Variants in NPAS3 observed in about 807,000 individuals in gnomAD.
NPAS3 encodes the protein neuronal PAS domain-containing protein 3.
A neutral mutation model predicts 73.1 loss-of-function variants in NPAS3; 14 were observed. The ratio of observed to expected loss-of-function variants is 0.19; its 90% confidence interval spans 0.13 to 0.30. The LOEUF (loss-of-function observed/expected upper bound fraction) is 0.30. Ranked by LOEUF, NPAS3 falls within the 10% of genes least tolerant of loss-of-function variation. The probability of loss-of-function intolerance (pLI) is 1.00; values close to 1 mark genes in which losing one functional copy is unlikely to be tolerated. For synonymous variants in NPAS3, 620 were observed against 541.5 expected (o/e 1.14, Z -2.01); for missense variants, 1,096 against 1,250.0 (o/e 0.88, Z 1.86).
intron 7 of NPAS3, among the ~76,000 whole-genome samples, chr14:33,761,787 G>A (rs1362366473): frequency 1.3e-5 from 2 of 152,124 alleles, no homozygotes; most frequent in Non-Finnish European, 2.9e-5. Flanking sequence ...AGAATTGAGT[G>A]TCTTGCACAG....
chr14:33,166,627 T>C (rs572186506), intron 2 of NPAS3, among the ~76,000 whole-genome samples: 44 of 152,204 alleles, frequency 2.9e-4, no homozygotes, highest in African/African-American at 1.0e-3. Context: ...TCTGAAAGAG[T>C]AAAGAAATTT....
At chr14:33,587,037 G>A (rs546224341) in intron 5 of NPAS3, among the ~76,000 whole-genome samples, 2 of 152,118 alleles carry the variant, frequency 1.3e-5, no homozygotes, top group African/African-American at 4.8e-5. Flanking sequence ...GCCTGGTCCT[G>A]TTCTCTCCTA....
At chr14:33,195,068 C>T (rs2046302947) in intron 2 of NPAS3, among the ~76,000 whole-genome samples, 1 of 151,708 alleles carries the variant, frequency 6.6e-6, no homozygotes, top group Admixed American at 6.6e-5. Flanking sequence ...TTGGATTTAG[C>T]TTGATGTCAC....
chr14:33,595,393 C>T (rs1266287318), intron 5 of NPAS3, among the ~76,000 whole-genome samples: 49 of 152,074 alleles, frequency 3.2e-4, no homozygotes. Context: ...CTGCCTTATC[C>T]ATTAATAAAC....
At chr14:33,130,261 A>C (rs896560229) in intron 2 of NPAS3, among the ~76,000 whole-genome samples, 1 of 152,152 alleles carries the variant, frequency 6.6e-6, no homozygotes, top group Non-Finnish European at 1.5e-5. Flanking sequence ...CTCCTTAAAA[A>C]TAAGTTACTC....
At chr14:33,691,486 G>T (rs562171996) in intron 6 of NPAS3, among the ~76,000 whole-genome samples, 1 of 152,206 alleles carries the variant, frequency 6.6e-6, no homozygotes, top group African/African-American at 2.4e-5. Context: ...ATCTGTCAAC[G>T]AATCTGGCTG....
chr14:33,744,425 C>T (rs759537405), intron 7 of NPAS3, among the ~76,000 whole-genome samples: 4 of 152,128 alleles, frequency 2.6e-5, no homozygotes, highest in Non-Finnish European at 4.4e-5. Flanking sequence ...TGATTTGTGG[C>T]ACCCCAAAAC....
intron 7 of NPAS3, among the ~76,000 whole-genome samples, chr14:33,751,118 G>A (rs2061951001): frequency 6.6e-6 from 1 of 152,184 alleles, no homozygotes; most frequent in Non-Finnish European, 1.5e-5. Context: ...CGTTCATGTG[G>A]TGTAATGCTA....
chr14:33,612,721 A>G (rs1377710170), intron 5 of NPAS3: 13 of 345,022 alleles, frequency 3.8e-5, no homozygotes, highest in Non-Finnish European at 6.9e-5. Context: ...GTTAGAACAT[A>G]TATCTCCTAA....
chr14:33,463,749 A>G (rs2050379655), intron 4 of NPAS3, among the ~76,000 whole-genome samples: 1 of 152,216 alleles, frequency 6.6e-6, no homozygotes, highest in South Asian at 2.1e-4. Context: ...AATCCACCAA[A>G]TTAAGACATC....
intron 1 of NPAS3, among the ~76,000 whole-genome samples, chr14:32,952,513 A>G (rs1368604790): frequency 2.0e-5 from 3 of 152,008 alleles, no homozygotes. Context: ...CTTGTCTCCC[A>G]TACCACGCAT....
intron 2 of NPAS3, among the ~76,000 whole-genome samples, chr14:33,095,746 G>C (rs913647830): frequency 6.9e-6 from 1 of 144,444 alleles, no homozygotes; most frequent in Non-Finnish European, 1.5e-5. Context: ...TGGACTCACT[G>C]CAAGCTCCGC....
In NPAS3 at chr14:33,015,681, G is replaced by C. The variant is rs8018869; in HGVS notation, c.51-40224G>C. On this transcript the variant is annotated intron_variant, in intron 1 of 11. Coordinates refer to ENST00000356141, the Ensembl canonical transcript of NPAS3. Reference sequence around the variant, plus strand: ...GTACTCACACATATATACACACACAGAATATATATGCATACACAGGCAAGT... The same window carrying C: ...GTACTCACACATATATACACACACACAATATATATGCATACACAGGCAAGT... Among the ~76,000 whole-genome samples the C allele has an allele frequency of 7.6e-3, 1,155 of 152,170 alleles. 16 individuals carry two copies. The highest frequency in any genetic ancestry group is 0.027 in the African/African-American group (1,105 of 41,512).
chr14:32,941,542 G>A (rs2036016320), intron 1 of NPAS3, among the ~76,000 whole-genome samples: 1 of 151,472 alleles, frequency 6.6e-6, no homozygotes, highest in African/African-American at 2.4e-5. Flanking sequence ...TTTGGCATTC[G>A]AAGAAGGTAA....
intron 2 of NPAS3, among the ~76,000 whole-genome samples, chr14:33,103,575 C>A (rs896591944): frequency 6.6e-6 from 1 of 152,086 alleles, no homozygotes; most frequent in African/African-American, 2.4e-5. Flanking sequence ...GAGCAATTGG[C>A]AAGATTTATT....
At chr14:33,578,581 G>A (rs1311775117) in intron 5 of NPAS3, among the ~76,000 whole-genome samples, 2 of 152,178 alleles carry the variant, frequency 1.3e-5, no homozygotes, top group African/African-American at 2.4e-5. Context: ...TCAAAGGCCT[G>A]GCTTATCATA....
rs193177983 is a variant in NPAS3, at chr14:33,590,435, A to C, written c.558+30225A>C. Among the ~76,000 whole-genome samples the C allele has an allele frequency of 2.1e-4, 32 of 152,178 alleles. No individual in the cohort carries two copies. The East Asian group carries it at 3.1e-3, about 15-fold the overall frequency. ...TTGACATGTGAACCACTTGCTTTGA[A>C]TCTCCTAATTGTCAAGGTGAGTGAG... On this transcript the variant is annotated intron_variant, in intron 5 of 11. Transcript: ENST00000356141.
At chr14:33,363,930 GTGTGTGTGTGTGTGTGTGT>G (rs1406833209) in intron 3 of NPAS3, among the ~76,000 whole-genome samples, 1 of 151,572 alleles carries the variant, frequency 6.6e-6, no homozygotes, top group Non-Finnish European at 1.5e-5. Flanking sequence ...CTCTGTGTGT[GTGTGTGTGTGTGTGTGTGT>G]TGTGTGTGTG....
At position 33,617,705 on chromosome 14, in the gene NPAS3, T is replaced by A. The variant is rs553671844; in HGVS notation, c.558+57495T>A. Among the ~76,000 whole-genome samples the A allele has an allele frequency of 1.7e-4, 26 of 152,290 alleles. No homozygotes were observed. In the South Asian group the frequency reaches 5.2e-3, roughly 30 times the overall value. The stretch of plus-strand genomic sequence containing the variant: ...CAAAAGCTGTTACGCTGATCTGAAG[T>A]GTAGTAAATCACAGCGATCAAGGGC... On this transcript the variant is annotated intron_variant, in intron 5 of 11. Transcript: ENST00000356141.
Sources: gnomAD v4.1 joint callset for allele counts (sites outside exome capture counted in the v4.1 genomes callset) on GRCh38, gnomAD v4.1.1 for gene constraint, MANE v1.5 for transcripts, NCBI Gene and HGNC (gene_info 2026-07-23, HGNC 2026-07-21) for gene names.